Variants in SLC19A1 observed in about 807,000 individuals in gnomAD.
SLC19A1 encodes the protein solute carrier family 19 member 1.
SLC19A1 carries 37 observed loss-of-function variants against 35.3 expected under a neutral mutation model. The ratio of observed to expected loss-of-function variants is 1.05; its 90% CI spans 0.81 to 1.38. SLC19A1 has a LOEUF of 1.38. Ranked by LOEUF, SLC19A1 falls within the 40% of genes most tolerant of loss-of-function variation. The pLI, the probability that SLC19A1 is intolerant of heterozygous loss-of-function variation, is 0.00. For missense variants in SLC19A1, 831 were observed against 826.9 expected, an observed-to-expected ratio of 1.00 and a Z score of -0.06; for synonymous variants, 460 against 398.5, an observed-to-expected ratio of 1.15 and a Z score of -1.84.
intron 1 of SLC19A1, among the ~76,000 whole-genome samples, chr21:45,549,788 G>A (rs1365368398): frequency 1.5e-5 from 2 of 137,624 alleles, no homozygotes; most frequent in East Asian, 4.4e-4. Context: ...TTGGCGGATT[G>A]TGGGGAGGAG....
chr21:45,550,728 C>A (rs2078457195), intron 1 of SLC19A1, among the ~76,000 whole-genome samples: 1 of 152,214 alleles, frequency 6.6e-6, no homozygotes, highest in African/African-American at 2.4e-5. Flanking sequence ...TCCTGGATGA[C>A]TGGCGTTCCC....
chr21:45,506,360 G>T, intron 3 of SLC19A1: 3 of 353,954 alleles, frequency 8.5e-6, no homozygotes, highest in Non-Finnish European at 1.1e-5. Context: ...CTGGGGGGCA[G>T]GCTGTCCCGT....
At chr21:45,556,797 G>A (rs2078566585) in intron 1 of SLC19A1, among the ~76,000 whole-genome samples, 1 of 152,216 alleles carries the variant, frequency 6.6e-6, no homozygotes, top group African/African-American at 2.4e-5. Flanking sequence ...ATCTTGGATG[G>A]GGAGAGAGGC....
At chr21:45,539,598 C>T (rs796382829) in intron 1 of SLC19A1, among the ~76,000 whole-genome samples, 11 of 152,332 alleles carry the variant, frequency 7.2e-5, no homozygotes, top group Admixed American at 2.0e-4. Flanking sequence ...GTATCAGAGA[C>T]CACTCAGGCT....
chr21:45,514,778 C>G lies in SLC19A1; in HGVS notation c.*880G>C. ...CACATCACATCAGATGGTCCCGCAC[C>G]TGTGGGCAAGGCACTAGCGCTCCTT... is the stretch of plus-strand genomic sequence containing the variant. On this transcript the variant is annotated 3_prime_UTR_variant, in exon 6 of 6. Transcript: ENST00000311124. The G allele has an allele frequency of 5.8e-6, 3 of 520,910 alleles. No homozygotes were observed. The South Asian group carries it at 8.7e-5, about 15-fold the overall frequency. 32.3% of individuals were successfully genotyped at this position (520,910 alleles called of 1,614,324 possible). A position where few individuals can be genotyped will look rare whatever the true frequency, so the allele number is the denominator to read the frequency against.
Position 45,503,996 on chromosome 21 carries a change from GTC to G in SLC19A1, c.498-5386_498-5385del, listed in dbSNP as rs148455528. ...ACACCACCTCAGCGAGACCCCGCCT[GTC>G]TCTCTCTTGCAGGGCAGTTTCCGTT... On this transcript the variant is annotated intron_variant, in intron 3 of 4. Transcript: ENST00000417954. 3 of 1,613,608 alleles carry G rather than the reference GTC, an allele frequency of 1.9e-6. No individual in the cohort carries two copies. The highest frequency in any genetic ancestry group is 2.5e-6 in the Non-Finnish European group (3 of 1,179,954).
chr21:45,503,641 T>C (rs867591296), intron 3 of SLC19A1, among the ~76,000 whole-genome samples: 10 of 54,850 alleles, frequency 1.8e-4, no homozygotes, highest in Non-Finnish European at 2.6e-4. Flanking sequence ...TGTTGTGGGG[T>C]GGGGGGAGGG....
chr21:45,525,318 C>A (rs963142719), intron 5 of SLC19A1, among the ~76,000 whole-genome samples: 1 of 152,254 alleles, frequency 6.6e-6, no homozygotes, highest in African/African-American at 2.4e-5. Flanking sequence ...GGAGACCCGG[C>A]CTTGGCTGGG....
chr21:45,525,710 G>T (rs2077586990), intron 5 of SLC19A1, 107 bp downstream of exon 5: 3 of 1,322,558 alleles, frequency 2.3e-6, no homozygotes, highest in East Asian at 2.3e-5. Flanking sequence ...CGCACCCTGT[G>T]CCCCCAGCCC....
downstream of SLC19A1, chr21:45,509,748 TTGGCTGGCCCTG>T: frequency 1.4e-6 from 1 of 703,582 alleles, no homozygotes; most frequent in South Asian, 1.5e-5. Flanking sequence ...TCAGGGCGGC[TTGGCTGGCCCTG>T]GGACTTGCCC....
At chr21:45,520,056 C>A (rs2077392668) in intron 5 of SLC19A1, among the ~76,000 whole-genome samples, 1 of 151,978 alleles carries the variant, frequency 6.6e-6, no homozygotes, top group Non-Finnish European at 1.5e-5. Context: ...AGAAAGATAA[C>A]AGGAAAATCT....
At chr21:45,551,251 A>T (rs1341245730) in intron 1 of SLC19A1, among the ~76,000 whole-genome samples, 1 of 152,020 alleles carries the variant, frequency 6.6e-6, no homozygotes, top group Non-Finnish European at 1.5e-5. Flanking sequence ...TCCATCTCAA[A>T]GGAAAAAAAC....
At chr21:45,525,209 CCCG>C (rs1441952093) in intron 5 of SLC19A1, among the ~76,000 whole-genome samples, 2 of 152,224 alleles carry the variant, frequency 1.3e-5, no homozygotes, top group African/African-American at 4.8e-5. Context: ...CCTTGTCCCA[CCCG>C]CCAAGGGCAT....
chr21:45,504,621 G>A (rs1342897922), intron 3 of SLC19A1: 1 of 1,444,688 alleles, frequency 6.9e-7, no homozygotes. Context: ...GCCGAGGGCA[G>A]GTCCAGCCCG....
downstream of SLC19A1, chr21:45,510,353 C>T (rs1306752611): frequency 1.5e-6 from 2 of 1,373,454 alleles, no homozygotes; most frequent in Non-Finnish European, 2.0e-6. Context: ...TCTAGGGCCT[C>T]TGGAGGCCAC....
intron 4 of SLC19A1, among the ~76,000 whole-genome samples, chr21:45,527,113 G>A (rs1422698056): frequency 2.6e-5 from 4 of 152,276 alleles, no homozygotes; most frequent in Non-Finnish European, 2.9e-5. Flanking sequence ...CCACAGAGTC[G>A]GTGAATGAGC....
downstream of SLC19A1, chr21:45,510,185 T>C: frequency 6.3e-7 from 1 of 1,598,376 alleles, no homozygotes; most frequent in Non-Finnish European, 8.5e-7. Context: ...CGCGCCTTCC[T>C]GTCCTCGCGC....
At position 45,530,903 on chromosome 21, in the gene SLC19A1, C is replaced by T; in HGVS notation, c.1018G>A (p.Ala340Thr). The change falls in exon 4 of 6, where the codon GCG becomes ACG. Residue 340 changes from alanine (A) to threonine (T), a missense_variant. Physicochemically the swap from Ala to Thr is moderately conservative, Grantham distance 58 (BLOSUM62 0). Coordinates refer to ENST00000311124, the MANE Select transcript of SLC19A1 (RefSeq NM_194255.4). This position sits in a 1 kb window ranked among gnomAD's most constrained non-coding sequence, Gnocchi z 5.3. ...RWARWSKLLI[A>T]GVTATQAGLV... is the part of the protein sequence containing the mutation. ...CCCGCCTGCGTGGCCGTGACGCCCGCGATGAGCAGCTTGGACCAGCGCGCC... is the reference window on the plus strand; with the variant it reads ...CCCGCCTGCGTGGCCGTGACGCCCGTGATGAGCAGCTTGGACCAGCGCGCC... The T allele has an allele frequency of 2.7e-6, 4 of 1,478,416 alleles. No homozygotes were observed. The highest frequency in any genetic ancestry group is 3.6e-6 in the Non-Finnish European group (4 of 1,116,912). The allele number at this position is 1,478,416 out of a possible 1,614,324, so 91.6% of individuals were successfully genotyped here.
Position 45,528,114 on chromosome 21 carries a change from C to A in SLC19A1, c.1152-2156G>T, listed in dbSNP as rs2039278. On this transcript the variant is annotated intron_variant, in intron 4 of 5. Coordinates refer to ENST00000311124, the MANE Select transcript of SLC19A1 (RefSeq NM_194255.4). ...GAGGCTCGGGGGCAGGCAGGCAGGC[C>A]GGCAGCAGGGAGGACGAGAGAAGCA... 5.0e-4 allele frequency among the ~76,000 whole-genome samples: 75 copies of A among 150,364 alleles called. 1 individual carries two copies. The highest frequency in any genetic ancestry group is 1.8e-3 in the African/African-American group (72 of 40,890).
Sources: gnomAD v4.1 joint callset for allele counts (sites outside exome capture counted in the v4.1 genomes callset) on GRCh38, gnomAD v4.1.1 for gene constraint, Gnocchi (gnomAD v3.1) non-coding constraint, MANE v1.5 for transcripts, NCBI Gene and HGNC (gene_info 2026-07-23, HGNC 2026-07-21) for gene names.